The following FERMT2 variants were observed in gnomAD, a reference collection of about 807,000 sequenced individuals.
FERMT2 encodes fermitin family homolog 2.
In FERMT2, 15 loss-of-function variants were observed where a neutral mutation model predicts 82.7. That is an observed-to-expected ratio of 0.18 (90% CI 0.12 to 0.28). The LOEUF is 0.28. Ranked by LOEUF, FERMT2 falls within the 10% of genes least tolerant of loss-of-function variation. FERMT2 has a pLI of 1.00. For missense variants in FERMT2, 645 were observed against 809.4 expected (o/e 0.80, Z 2.46); for synonymous variants, 274 against 271.5 (o/e 1.01, Z -0.09).
intron 4 of FERMT2, among the ~76,000 whole-genome samples, chr14:52,890,782 T>TA (rs1280635821): frequency 6.6e-6 from 1 of 152,000 alleles, no homozygotes; most frequent in African/African-American, 2.4e-5. Flanking sequence ...TTTGTATTTT[T>TA]AGTAGAAATG....
intron 2 of FERMT2, among the ~76,000 whole-genome samples, chr14:52,927,834 TACTA>T (rs2139665251): frequency 6.6e-6 from 1 of 152,192 alleles, no homozygotes; most frequent in Non-Finnish European, 1.5e-5. Flanking sequence ...CAGTGGCTGC[TACTA>T]ACTTTTTGAG....
intron 1 of FERMT2, 121 bp from the exon 2 acceptor site, chr14:52,950,698 G>C: frequency 1.0e-6 from 1 of 982,238 alleles, no homozygotes; most frequent in South Asian, 1.6e-5. Context: ...GCTTTCGGCA[G>C]AAACTCGGGA....
intron 3 of FERMT2, among the ~76,000 whole-genome samples, chr14:52,908,414 AG>A (rs1888136277): frequency 2.0e-5 from 3 of 152,198 alleles, no homozygotes; most frequent in Admixed American, 6.5e-5. Context: ...TAATGAGCCC[AG>A]CCCTTCGACT....
At chr14:52,883,416 G>C (rs1182348006) in intron 4 of FERMT2, among the ~76,000 whole-genome samples, 2 of 152,090 alleles carry the variant, frequency 1.3e-5, no homozygotes, top group African/African-American at 4.8e-5. Context: ...TTGGGCAAAG[G>C]GTATTTCTGC....
chr14:52,861,127 G>T, intron 12 of FERMT2: 1 of 1,196,838 alleles, frequency 8.4e-7, no homozygotes, highest in Non-Finnish European at 1.2e-6. Context: ...AAAAGTTGCG[G>T]TCACCTGCAA....
chr14:52,922,702 T>C (rs1889033828), intron 2 of FERMT2, among the ~76,000 whole-genome samples: 1 of 152,168 alleles, frequency 6.6e-6, no homozygotes, highest in Non-Finnish European at 1.5e-5. Flanking sequence ...TAATGTGAGG[T>C]ATGAAAAGGA....
chr14:52,949,825 G>GGACTGTAAGCCATTACAC (rs1566768433), intron 2 of FERMT2, among the ~76,000 whole-genome samples: 1 of 152,054 alleles, frequency 6.6e-6, no homozygotes, highest in Non-Finnish European at 1.5e-5. Flanking sequence ...GGCTTACATC[G>GGACTGTAAGCCATTACAC]AGCATGGACT....
chr14:52,890,626 C>CAA (rs1390322561), intron 4 of FERMT2, among the ~76,000 whole-genome samples: 1 of 134,386 alleles, frequency 7.4e-6, no homozygotes, highest in East Asian at 2.2e-4. Flanking sequence ...TTTTTTGAGA[C>CAA]AGAGTCTTGC....
rs574959235 is a variant in FERMT2 at position 52,893,495 on chromosome 14, A to G, written c.392-68T>C. On this transcript the variant is annotated intron_variant, in intron 3 of 14. Transcript: ENST00000341590. ...TAAACATTTTACACTTAGTAAATCT[A>G]TTGTTTCAAGATAAGAATGTGTAAC... 1.1e-5 allele frequency: 14 copies of G among 1,225,862 alleles called. No homozygotes were observed. The African/African-American group carries it at 1.5e-4, about 13-fold the overall frequency. The allele number at this position is 1,225,862 out of a possible 1,614,324, so 75.9% of individuals were successfully genotyped here. A position where few individuals can be genotyped will look rare whatever the true frequency, so the allele number is the denominator to read the frequency against.
chr14:52,934,271 TTGA>T (rs1231882362), intron 2 of FERMT2, among the ~76,000 whole-genome samples: 1 of 148,732 alleles, frequency 6.7e-6, no homozygotes, highest in Non-Finnish European at 1.5e-5. Flanking sequence ...ACTCTTACTG[TTGA>T]TTATAAATGT....
intron 4 of FERMT2, among the ~76,000 whole-genome samples, chr14:52,889,109 C>T (rs1214231791): frequency 6.6e-6 from 1 of 152,084 alleles, no homozygotes; most frequent in African/African-American, 2.4e-5. Flanking sequence ...AGTGATTTAG[C>T]CACTCTGGGT....
chr14:52,872,487 T>C (rs560899085), intron 10 of FERMT2, among the ~76,000 whole-genome samples: 3 of 152,122 alleles, frequency 2.0e-5, no homozygotes, highest in Admixed American at 2.0e-4. Context: ...TGAGCCAAGA[T>C]TGCACCACTG....
intron 7 of FERMT2, 26 bp from the exon 8 acceptor site, chr14:52,875,383 A>G (rs771347345): frequency 6.7e-7 from 1 of 1,499,928 alleles, no homozygotes; most frequent in East Asian, 2.3e-5. Context: ...TTTTATTAAA[A>G]TAATTGCTAT....
intron 4 of FERMT2, among the ~76,000 whole-genome samples, chr14:52,888,633 G>T (rs1886747213): frequency 6.6e-6 from 1 of 152,108 alleles, no homozygotes. Flanking sequence ...AAAATTTTAA[G>T]ATTTCCTGCT....
At position 52,903,306 on chromosome 14, in the gene FERMT2, G is replaced by C. The variant is rs138952882; in HGVS notation, c.392-9879C>G. 2.2e-3 allele frequency among the ~76,000 whole-genome samples: 335 copies of C among 152,234 alleles called. 2 individuals are homozygous for C. Among genetic ancestry groups the C allele is most frequent in the Non-Finnish European group, 2.4e-3 (163 of 68,016 alleles). On this transcript the variant is annotated intron_variant, in intron 3 of 14. Coordinates refer to ENST00000341590, the MANE Select transcript of FERMT2 (RefSeq NM_006832.3). ...TAATCTCAGCACTTTGGGAGACGAA[G>C]GTGGGAGGGCTGCTTGAGGTCAGGA...
intron 2 of FERMT2, among the ~76,000 whole-genome samples, chr14:52,932,179 T>G (rs904338440): frequency 3.9e-5 from 6 of 152,248 alleles, no homozygotes; most frequent in African/African-American, 1.4e-4. Context: ...AATTAGGATT[T>G]GACTCTAGAT....
intron 4 of FERMT2, among the ~76,000 whole-genome samples, chr14:52,888,075 T>C (rs1181775476): frequency 2.6e-5 from 4 of 152,190 alleles, no homozygotes; most frequent in East Asian, 1.9e-4. Flanking sequence ...TTTATTTCTA[T>C]GTGGCTAAAT....
At chr14:52,946,250 G>C (rs549485450) in intron 2 of FERMT2, among the ~76,000 whole-genome samples, 1 of 151,938 alleles carries the variant, frequency 6.6e-6, no homozygotes, top group Non-Finnish European at 1.5e-5. Context: ...ATTTATTTTT[G>C]AAGACAATTT....
intron 2 of FERMT2, among the ~76,000 whole-genome samples, chr14:52,925,722 T>C (rs1433343298): frequency 1.3e-5 from 2 of 152,118 alleles, no homozygotes; most frequent in African/African-American, 4.8e-5. Flanking sequence ...CATTGCAACC[T>C]CCACTTCCCG....
Sources: allele counts gnomAD v4.1 joint callset (sites outside exome capture counted in the v4.1 genomes callset), GRCh38; gene constraint gnomAD v4.1.1; transcripts MANE v1.5; gene names NCBI Gene and HGNC (gene_info 2026-07-23, HGNC 2026-07-21).